Variants in TUSC3 observed in about 807,000 individuals in gnomAD.
TUSC3 encodes tumor suppressor candidate 3, also known as dolichyl-diphosphooligosaccharide--protein glycosyltransferase subunit TUSC3.
A neutral mutation model predicts 44.8 loss-of-function variants in TUSC3; 45 were observed. The ratio of observed to expected loss-of-function variants is 1.00; its 90% CI spans 0.79 to 1.29. The LOEUF is 1.29. Ranked by LOEUF, TUSC3 falls within the 50% of genes most tolerant of loss-of-function variation. TUSC3 has a pLI of 0.00. For synonymous variants in TUSC3, 212 were observed against 152.9 expected (o/e 1.39, Z -2.85); for missense variants, 519 against 437.9 (o/e 1.19, Z -1.65).
At chr8:15,845,605 G>T in the TUSC3 span, among the ~76,000 whole-genome samples, 1 of 152,118 alleles carries the variant, frequency 6.6e-6, no homozygotes, top group African/African-American at 2.4e-5. Flanking sequence ...TATTTGGAGT[G>T]AATTGGGACC....
At chr8:15,733,222 T>C (rs1223158134) in intron 7 of TUSC3, among the ~76,000 whole-genome samples, 1 of 152,204 alleles carries the variant, frequency 6.6e-6, no homozygotes, top group Non-Finnish European at 1.5e-5. Flanking sequence ...CTGTATTTAC[T>C]CTCGACTTAC....
chr8:15,602,907 A>G, intron 1 of TUSC3, among the ~76,000 whole-genome samples: 1 of 151,844 alleles, frequency 6.6e-6, no homozygotes, highest in South Asian at 2.1e-4. Context: ...ATAAAAAATA[A>G]AAACCTAAGT....
intron 6 of TUSC3, among the ~76,000 whole-genome samples, chr8:15,726,835 T>A (rs1429575084): frequency 6.6e-6 from 1 of 152,002 alleles, no homozygotes. Context: ...AAAGAAATAT[T>A]CAATGGATTA....
At chr8:15,496,387 G>A (rs1319964681) in intron 2 of TUSC3, among the ~76,000 whole-genome samples, 1 of 152,124 alleles carries the variant, frequency 6.6e-6, no homozygotes, top group East Asian at 1.9e-4. Flanking sequence ...GTCTCCTAGG[G>A]TCCTTGTCAG....
chr8:15,638,301 G>C (rs1806185749), intron 2 of TUSC3, among the ~76,000 whole-genome samples: 1 of 151,784 alleles, frequency 6.6e-6, no homozygotes, highest in Non-Finnish European at 1.5e-5. Context: ...TTTATATTCT[G>C]TAGGATTCTT....
intron 6 of TUSC3, among the ~76,000 whole-genome samples, chr8:15,715,187 C>G (rs971493012): frequency 6.6e-6 from 1 of 151,954 alleles, no homozygotes; most frequent in African/African-American, 2.4e-5. Flanking sequence ...CAGATAGTAC[C>G]AAACTCTATA....
the TUSC3 span, chr8:15,806,273 G>A: frequency 8.0e-6 from 5 of 623,778 alleles, no homozygotes; most frequent in Middle Eastern, 1.2e-3. Context: ...GTCTGGGGAT[G>A]TTCTCATTGG....
At chr8:15,634,205 A>G (rs1007235956) in intron 2 of TUSC3, among the ~76,000 whole-genome samples, 6 of 152,184 alleles carry the variant, frequency 3.9e-5, no homozygotes, top group African/African-American at 7.2e-5. Context: ...TTTGCTTACA[A>G]TTATTGAGGT....
At chr8:15,844,938 C>G in the TUSC3 span, among the ~76,000 whole-genome samples, 3 of 152,086 alleles carry the variant, frequency 2.0e-5, no homozygotes, top group Non-Finnish European at 4.4e-5. Flanking sequence ...TCTACCACCT[C>G]TTAAAGAGAT....
In TUSC3 at chr8:15,452,404, C is replaced by G. The variant is rs193025991; in HGVS notation, n.92-30982C>G. Among the ~76,000 whole-genome samples the G allele has an allele frequency of 3.0e-3, 464 of 152,242 alleles. 2 individuals are homozygous for G. The highest frequency in any genetic ancestry group is 5.4e-4 in the Non-Finnish European group (37 of 68,022). Reference sequence around the variant, plus strand: ...AGGGCAAAGAACAACTGATTACTCACGCCTTTAATTAAATTCATATGGAAT... The same window carrying G: ...AGGGCAAAGAACAACTGATTACTCAGGCCTTTAATTAAATTCATATGGAAT... On this transcript the variant is annotated intron_variant and non_coding_transcript_variant, in intron 1 of 5. Coordinates refer to the TUSC3 transcript ENST00000503191.
At chr8:15,759,102 G>T (rs1563209692) in intron 10 of TUSC3, among the ~76,000 whole-genome samples, 1 of 152,118 alleles carries the variant, frequency 6.6e-6, no homozygotes, top group Admixed American at 6.6e-5. Flanking sequence ...AGATTAAAAA[G>T]AATGACTCAG....
rs558416832 is a variant in TUSC3, at chr8:15,627,261, A to G, written c.308+4012A>G. Reference sequence around the variant, plus strand: ...CTTTCTGCTGAGAGCTGAAGAGACTATAGGACAGCCTGCCTGGCAGAAAGG... The same window carrying G: ...CTTTCTGCTGAGAGCTGAAGAGACTGTAGGACAGCCTGCCTGGCAGAAAGG... On this transcript the variant is annotated intron_variant, in intron 2 of 10. Coordinates refer to ENST00000503731, the MANE Select transcript of TUSC3 (RefSeq NM_006765.4). 5.3e-5 allele frequency among the ~76,000 whole-genome samples: 8 copies of G among 152,306 alleles called. No individual in the cohort carries two copies. The East Asian group carries it at 7.8e-4, about 15-fold the overall frequency.
At chr8:15,797,313 AT>A in the TUSC3 span, among the ~76,000 whole-genome samples, 1 of 152,196 alleles carries the variant, frequency 6.6e-6, no homozygotes, top group South Asian at 2.1e-4. Context: ...TCTGTCTCCA[AT>A]TCCTAAAGAG....
At position 15,611,477 on chromosome 8, in the gene TUSC3, G is replaced by A. The variant is rs78242485; in HGVS notation, c.139-11603G>A. ...GCTGGGATTACAGGCGTGAGCCATC[G>A]TACCTGGCTACCTTTTTGCTTTTGA... On this transcript the variant is annotated intron_variant, in intron 1 of 10. Transcript: ENST00000503731. 7.1e-3 allele frequency among the ~76,000 whole-genome samples: 1,077 copies of A among 152,252 alleles called. 6 individuals are homozygous for A. The highest frequency in any genetic ancestry group is 0.017 in the Middle Eastern group (5 of 294).
rs888491208 is a variant in TUSC3, at chr8:15,743,710, C to A, written c.937+98C>A. The A allele has an allele frequency of 2.6e-5, 34 of 1,291,142 alleles. No homozygotes were observed. In the African/African-American group the frequency reaches 4.5e-4, roughly 17 times the overall value. The allele number at this position is 1,291,142 out of a possible 1,614,324, so 80.0% of individuals were successfully genotyped here. A position where few individuals can be genotyped will look rare whatever the true frequency, so the allele number is the denominator to read the frequency against. On this transcript the variant is annotated intron_variant, in intron 8 of 10. Transcript: ENST00000503731. ...ATAAAAGCCCTTTGTAAACAAACTT[C>A]TAAAGAAATGTTCTGGTTTGAAGAA...
chr8:15,463,252 T>C (rs1182519445), intron 1 of TUSC3, among the ~76,000 whole-genome samples: 2 of 152,112 alleles, frequency 1.3e-5, no homozygotes, highest in African/African-American at 4.8e-5. Context: ...AATAACTTTA[T>C]ACGTATTGGG....
chr8:15,746,582 C>T (rs1191244162), intron 8 of TUSC3, among the ~76,000 whole-genome samples: 7 of 151,932 alleles, frequency 4.6e-5, no homozygotes, highest in African/African-American at 1.7e-4. Flanking sequence ...TATACAAGTA[C>T]TTGAGTAGCA....
At chr8:15,466,644 C>G (rs1260481578) in intron 1 of TUSC3, among the ~76,000 whole-genome samples, 1 of 152,094 alleles carries the variant, frequency 6.6e-6, no homozygotes, top group Non-Finnish European at 1.5e-5. Context: ...TAGAGAATGT[C>G]TCAAATAATC....
At chr8:15,492,115 A>G (rs972462652) in intron 2 of TUSC3, among the ~76,000 whole-genome samples, 2 of 152,130 alleles carry the variant, frequency 1.3e-5, no homozygotes, top group African/African-American at 2.4e-5. Context: ...TACTTACCAT[A>G]TGGCAGTCTT....
Sources: allele counts gnomAD v4.1 joint callset (sites outside exome capture counted in the v4.1 genomes callset), GRCh38; gene constraint gnomAD v4.1.1; transcripts MANE v1.5; gene names NCBI Gene and HGNC (gene_info 2026-07-23, HGNC 2026-07-21).